Variants in KIAA1328 observed in about 807,000 individuals in gnomAD.
KIAA1328 encodes the protein protein hinderin.
A neutral mutation model predicts 68.1 loss-of-function variants in KIAA1328; 52 were observed. The observed-to-expected ratio is 0.76, with a 90% CI of 0.61 to 0.96. KIAA1328 has a LOEUF of 0.96. Ranked by LOEUF, KIAA1328 falls within the 40% of genes least tolerant of loss-of-function variation. The probability of loss-of-function intolerance (pLI) is 0.00; values close to 1 mark genes in which losing one functional copy is unlikely to be tolerated. For missense variants in KIAA1328, 641 were observed against 677.6 expected, an observed-to-expected ratio of 0.95 and a Z score of 0.60; for synonymous variants, 232 against 239.4, an observed-to-expected ratio of 0.97 and a Z score of 0.28.
chr18:36,997,641 T>C (rs1461481762), intron 6 of KIAA1328, among the ~76,000 whole-genome samples: 2 of 152,136 alleles, frequency 1.3e-5, no homozygotes, highest in African/African-American at 4.8e-5. Flanking sequence ...GCAGACTACA[T>C]GCTGTCCTAG....
chr18:36,876,174 G>A (rs762875222), intron 4 of KIAA1328, among the ~76,000 whole-genome samples: 9 of 152,102 alleles, frequency 5.9e-5, no homozygotes, highest in Non-Finnish European at 1.3e-4. Context: ...GATGATGCTG[G>A]CCTCATAAAA....
intron 5 of KIAA1328, among the ~76,000 whole-genome samples, chr18:36,908,585 CCCCTTCGGCCTCTCAA>C (rs1411185595): frequency 6.6e-6 from 1 of 152,166 alleles, no homozygotes; most frequent in Non-Finnish European, 1.5e-5. Context: ...CAAGCAGTAT[CCCCTTCGGCCTCTCAA>C]CGTGCTGGGA....
chr18:37,065,140 T>G (rs2056298968), intron 6 of KIAA1328, among the ~76,000 whole-genome samples: 1 of 152,184 alleles, frequency 6.6e-6, no homozygotes, highest in African/African-American at 2.4e-5. Flanking sequence ...AGGATATGGA[T>G]AGAAGATTAA....
At chr18:36,981,645 A>G (rs1397577276) in intron 6 of KIAA1328, among the ~76,000 whole-genome samples, 1 of 152,078 alleles carries the variant, frequency 6.6e-6, no homozygotes, top group East Asian at 1.9e-4. Context: ...GAAGTGCAGT[A>G]GTGTGAACAT....
At chr18:37,181,693 G>T (rs1288549109) in intron 9 of KIAA1328, among the ~76,000 whole-genome samples, 1 of 152,134 alleles carries the variant, frequency 6.6e-6, no homozygotes, top group East Asian at 1.9e-4. Flanking sequence ...TTGTACTTGG[G>T]AAAATGTACA....
intron 9 of KIAA1328, among the ~76,000 whole-genome samples, chr18:37,213,022 G>A (rs2060348078): frequency 6.6e-6 from 1 of 152,176 alleles, no homozygotes; most frequent in Admixed American, 6.5e-5. Flanking sequence ...CACACTGCAT[G>A]AGCCACTGTG....
chr18:36,841,543 G>A (rs1355815627), intron 3 of KIAA1328, among the ~76,000 whole-genome samples: 3 of 151,906 alleles, frequency 2.0e-5, no homozygotes, highest in African/African-American at 4.8e-5. Flanking sequence ...TTGGTAATTC[G>A]TATCCTGAAC....
At chr18:37,043,658 A>G (rs534175981) in intron 6 of KIAA1328, among the ~76,000 whole-genome samples, 1 of 152,350 alleles carries the variant, frequency 6.6e-6, no homozygotes, top group African/African-American at 2.4e-5. Context: ...AGAGTTGAGC[A>G]ATGCCTTTAC....
chr18:36,855,951 A>ATATTGGATTGTTAGT (rs2047369189), intron 4 of KIAA1328, among the ~76,000 whole-genome samples: 1 of 151,866 alleles, frequency 6.6e-6, no homozygotes, highest in Non-Finnish European at 1.5e-5. Flanking sequence ...GTTTTGCCAG[A>ATATTGGATTGTTAGT]TATTGGATTG....
At chr18:37,056,077 T>C (rs571304443) in intron 6 of KIAA1328, among the ~76,000 whole-genome samples, 5 of 152,348 alleles carry the variant, frequency 3.3e-5, no homozygotes, top group African/African-American at 7.2e-5. Flanking sequence ...CAGAAACTTA[T>C]AGAACATCAC....
chr18:36,896,523 G>A (rs1045894944), intron 5 of KIAA1328, among the ~76,000 whole-genome samples: 1 of 152,108 alleles, frequency 6.6e-6, no homozygotes, highest in Non-Finnish European at 1.5e-5. Flanking sequence ...CCTGGCTCTA[G>A]TGGCTAAGGA....
chr18:36,984,156 A>C (rs1268226246), intron 6 of KIAA1328, among the ~76,000 whole-genome samples: 1 of 152,176 alleles, frequency 6.6e-6, no homozygotes, highest in Non-Finnish European at 1.5e-5. Context: ...CATCATACTC[A>C]ATGATGAAAG....
intron 5 of KIAA1328, among the ~76,000 whole-genome samples, chr18:36,928,164 T>A (rs1189115914): frequency 6.6e-6 from 1 of 152,202 alleles, no homozygotes; most frequent in African/African-American, 2.4e-5. Context: ...GAGCATAGAC[T>A]GGGCAGAATG....
chr18:37,053,358 T>A (rs2151674674), intron 6 of KIAA1328, among the ~76,000 whole-genome samples: 1 of 152,280 alleles, frequency 6.6e-6, no homozygotes, highest in Non-Finnish European at 1.5e-5. Flanking sequence ...AAGACTTACA[T>A]GTGATACTTA....
intron 6 of KIAA1328, among the ~76,000 whole-genome samples, chr18:37,023,232 T>C (rs2054416639): frequency 6.6e-6 from 1 of 152,042 alleles, no homozygotes; most frequent in Non-Finnish European, 1.5e-5. Flanking sequence ...TTTATTTATT[T>C]GGGACAGGGT....
intron 8 of KIAA1328, among the ~76,000 whole-genome samples, chr18:37,164,801 G>A (rs964301854): frequency 5.3e-5 from 8 of 152,148 alleles, no homozygotes; most frequent in South Asian, 2.1e-4. Context: ...AAATATGGAC[G>A]GGGAGGGTTC....
At chr18:36,973,039 A>C (rs1488922631) in intron 6 of KIAA1328, among the ~76,000 whole-genome samples, 1 of 152,190 alleles carries the variant, frequency 6.6e-6, no homozygotes, top group Non-Finnish European at 1.5e-5. Context: ...ATTGGATTTT[A>C]AAAATATTTT....
At chr18:36,960,327 C>T (rs1027698772) in intron 6 of KIAA1328, among the ~76,000 whole-genome samples, 1 of 152,242 alleles carries the variant, frequency 6.6e-6, no homozygotes, top group South Asian at 2.1e-4. Flanking sequence ...ATGGAGCCCA[C>T]CGCAGCTCAG....
chr18:37,011,053 A>T (rs1427382863), intron 6 of KIAA1328, among the ~76,000 whole-genome samples: 2 of 152,132 alleles, frequency 1.3e-5, no homozygotes, highest in Non-Finnish European at 2.9e-5. Context: ...TGCACTTGTA[A>T]GTTTACAACT....
Sources: gnomAD v4.1 joint callset for allele counts (sites outside exome capture counted in the v4.1 genomes callset) on GRCh38, gnomAD v4.1.1 for gene constraint, MANE v1.5 for transcripts, NCBI Gene and HGNC (gene_info 2026-07-23, HGNC 2026-07-21) for gene names.